EIF3M: variants seen among roughly 807,000 people sequenced by gnomAD.
EIF3M encodes eukaryotic translation initiation factor 3 subunit M.
EIF3M carries 25 observed loss-of-function variants against 49.7 expected under a neutral mutation model. The ratio of observed to expected loss-of-function variants is 0.50; its 90% CI spans 0.37 to 0.70. EIF3M has a LOEUF of 0.70. Among genes scored for constraint, EIF3M ranks in the 30% least tolerant of loss-of-function variants. EIF3M has a pLI of 0.00. For synonymous variants in EIF3M, 156 were observed against 149.8 expected (o/e 1.04, Z -0.30); for missense variants, 350 against 440.0 (o/e 0.80, Z 1.83).
At position 32,594,978 on chromosome 11, in the gene EIF3M, C is replaced by G; in HGVS notation, c.682C>G (p.Pro228Ala). 2 of 1,613,574 alleles carry G rather than the reference C, an allele frequency of 1.2e-6. No homozygotes were observed. The highest frequency in any genetic ancestry group is 1.7e-6 in the Non-Finnish European group (2 of 1,179,770). Residue 228 changes from proline to alanine, a missense_variant, in exon 7 of 11, where the codon CCA (proline) becomes GCA (alanine). Pro to Ala is a conservative substitution (Grantham distance 27). Coordinates refer to ENST00000531120, the MANE Select transcript of EIF3M (RefSeq NM_006360.6). Reference protein sequence around the residue: ...FLFDHLLTLKPVKFLEGELIH... With the variant: ...FLFDHLLTLKAVKFLEGELIH... ...TTTTGACCACCTTCTTACTTTAAAA[C>G]CAGTCAAGTTTTTGGAAGGCGAGCT...
chr11:32,588,790 C>T (rs1855045937), intron 3 of EIF3M, 58 bp downstream of exon 3: 1 of 1,607,746 alleles, frequency 6.2e-7, no homozygotes, highest in African/African-American at 1.4e-5. Context: ...ATGTTACTAA[C>T]TTTTAATGGT....
intron 4 of EIF3M, 65 bp downstream of exon 4, chr11:32,589,200 G>T: frequency 6.3e-7 from 1 of 1,576,872 alleles, no homozygotes; most frequent in Non-Finnish European, 8.6e-7. Flanking sequence ...TTTTGAGACG[G>T]AGTTTCACTG....
intron 1 of EIF3M, among the ~76,000 whole-genome samples, chr11:32,585,994 C>T (rs1156879017): frequency 6.6e-6 from 1 of 152,154 alleles, no homozygotes; most frequent in Non-Finnish European, 1.5e-5. Flanking sequence ...CTTTGGGAGG[C>T]CGAGGCCCGT....
chr11:32,600,880 C>T, intron 9 of EIF3M, 48 bp downstream of exon 9: 1 of 1,543,988 alleles, frequency 6.5e-7, no homozygotes, highest in East Asian at 2.3e-5. Flanking sequence ...TTCTCATCTA[C>T]TACATGGATC....
chr11:32,597,225 TTAAAA>T (rs1164122080), intron 8 of EIF3M, among the ~76,000 whole-genome samples: 4 of 152,266 alleles, frequency 2.6e-5, no homozygotes, highest in African/African-American at 7.2e-5. Context: ...AACATTATTC[TTAAAA>T]TAATATTGTT....
At position 32,602,791 on chromosome 11, in the gene EIF3M, A is replaced by G; in HGVS notation, c.*392A>G. ...AGAATTTCAGTTACATAATTTCACT[A>G]CTGAAAGCACTTATCTACATTATTT... On this transcript the variant is annotated 3_prime_UTR_variant, in exon 11 of 11. Coordinates refer to ENST00000531120, the MANE Select transcript of EIF3M (RefSeq NM_006360.6). 1 of 1,471,862 alleles carries G rather than the reference A, an allele frequency of 6.8e-7. No individual in the cohort carries two copies. Among genetic ancestry groups the G allele is most frequent in the Non-Finnish European group, 9.2e-7 (1 of 1,083,846 alleles). 91.2% of individuals were successfully genotyped at this position (1,471,862 alleles called of 1,614,324 possible).
rs1295441755 is a variant in EIF3M at position 32,602,452 on chromosome 11, A to AAAAC, written c.*55_*58dup. 1 of 1,573,612 alleles carries AAAAC rather than the reference A, an allele frequency of 6.4e-7. No homozygotes were observed. Among genetic ancestry groups the AAAAC allele is most frequent in the Non-Finnish European group, 8.6e-7 (1 of 1,161,458 alleles). On this transcript the variant is annotated 3_prime_UTR_variant, in exon 11 of 11. Coordinates refer to ENST00000531120, the MANE Select transcript of EIF3M (RefSeq NM_006360.6). ...TGAAAAAAAAGCCCTAAATCATAGTAAAACATTATAAACTAAAAAAATTTG... is the reference window on the plus strand; with the variant it reads ...TGAAAAAAAAGCCCTAAATCATAGTAAAACAAACATTATAAACTAAAAAAATTTG...
chr11:32,588,480 A>G, intron 2 of EIF3M, 114 bp from the exon 3 acceptor site: 1 of 1,238,506 alleles, frequency 8.1e-7, no homozygotes, highest in Non-Finnish European at 1.1e-6. Flanking sequence ...CTGAATGCGA[A>G]AGTGTCTTAC....
At chr11:32,595,349 C>T (rs891397502) in intron 7 of EIF3M, among the ~76,000 whole-genome samples, 2 of 152,142 alleles carry the variant, frequency 1.3e-5, no homozygotes, top group Non-Finnish European at 2.9e-5. Flanking sequence ...CCTCAGCTTC[C>T]AGGAGAAGTA....
At position 32,589,020 on chromosome 11, in the gene EIF3M, AC is replaced by A; in HGVS notation, c.325del (p.Leu109PhefsTer11). 6.2e-7 allele frequency: 1 copy of A among 1,613,802 alleles called. No homozygotes were observed. Among genetic ancestry groups the A allele is most frequent in the Non-Finnish European group, 8.5e-7 (1 of 1,179,896 alleles). On this transcript the variant is annotated frameshift_variant, in exon 4 of 11. Coordinates refer to ENST00000531120, the MANE Select transcript of EIF3M (RefSeq NM_006360.6). LOFTEE classifies it high-confidence loss of function. The stretch of plus-strand genomic sequence containing the variant: ...GTTTGTTAACCAACCAGGTTAAGCA[AC>A]CTTTTCCACGGGATGGATAAGAATA... ...RPSLRLQLLS[N>X]LFHGMDKNTP...
rs1241457382 is a variant in EIF3M at position 32,588,643 on chromosome 11, A to G, written c.225A>G (p.Glu75=). The change falls in exon 3 of 11, where the codon GAA becomes GAG. Residue 75 remains glutamate (E), a synonymous_variant. Coordinates refer to ENST00000531120, the MANE Select transcript of EIF3M (RefSeq NM_006360.6). ...NSVVSLLLIL[E]PDKQEALIES... Reference sequence around the variant, plus strand: ...TGGTATCCCTACTCTTGATCCTGGAACCAGACAAGCAAGAAGCTTTGATTG... The same window carrying G: ...TGGTATCCCTACTCTTGATCCTGGAGCCAGACAAGCAAGAAGCTTTGATTG... 24 of 1,614,210 alleles carry G rather than the reference A, an allele frequency of 1.5e-5. No homozygotes were observed. Among genetic ancestry groups the G allele is most frequent in the Non-Finnish European group, 1.9e-5 (22 of 1,180,040 alleles).
intron 4 of EIF3M, 135 bp downstream of exon 4, chr11:32,589,270 G>A (rs532471144): frequency 1.5e-6 from 2 of 1,349,224 alleles, no homozygotes; most frequent in African/African-American, 1.5e-5. Context: ...TCCGCCTCCA[G>A]GGTTCAAGCA....
intron 5 of EIF3M, 95 bp downstream of exon 5, chr11:32,589,736 T>C (rs376921814): frequency 1.7e-5 from 17 of 1,005,774 alleles, no homozygotes; most frequent in African/African-American, 8.2e-5. Flanking sequence ...AATTTTGCTT[T>C]ACTCTGTTCT....
chr11:32,584,101 C>T (rs1361424735), intron 1 of EIF3M, 172 bp downstream of exon 1: 8 of 818,720 alleles, frequency 9.8e-6, no homozygotes, highest in African/African-American at 5.3e-5. Flanking sequence ...CGATTCGCAC[C>T]AGCTCGCCGG....
Position 32,594,909 on chromosome 11 carries a change from T to C in EIF3M, c.618-5T>C. 6.2e-7 allele frequency: 1 copy of C among 1,605,278 alleles called. No homozygotes were observed. Among genetic ancestry groups the C allele is most frequent in the Non-Finnish European group, 8.5e-7 (1 of 1,177,250 alleles). ...CTGAGCTTACATTTTTGTTCTCTAA[T>C]TAAGGTGTATTGTACGAGCATTGAA... On this transcript the variant is annotated splice_region_variant and splice_polypyrimidine_tract_variant and intron_variant, in intron 6 of 10. Coordinates refer to ENST00000531120, the MANE Select transcript of EIF3M (RefSeq NM_006360.6).
At chr11:32,597,267 A>G (rs17249466) in intron 8 of EIF3M, among the ~76,000 whole-genome samples, 16,984 of 152,186 alleles carry the variant, frequency 0.11, 1,124 homozygotes, top group Non-Finnish European at 0.15. Flanking sequence ...TATTCCTTAG[A>G]TATATGGTGA....
chr11:32,596,048 G>GT lies in EIF3M; in HGVS notation c.799+2dup. ...AATAAAGACTTCATTGATTCACTTG[G>GT]TAAGTTTTGGGGTTTATTCTTTGAG... On this transcript the variant is annotated splice_donor_variant, in intron 8 of 10. Coordinates refer to ENST00000531120, the MANE Select transcript of EIF3M (RefSeq NM_006360.6). LOFTEE classifies it high-confidence loss of function. 1.9e-6 allele frequency: 3 copies of GT among 1,549,946 alleles called. No individual in the cohort carries two copies. Among genetic ancestry groups the GT allele is most frequent in the Non-Finnish European group, 2.6e-6 (3 of 1,157,850 alleles).
rs183313531 is a variant in EIF3M at position 32,588,256 on chromosome 11, G to T, written c.176-338G>T. Among the ~76,000 whole-genome samples the T allele has an allele frequency of 4.8e-3, 732 of 152,014 alleles. 5 individuals are homozygous for T. The highest frequency in any genetic ancestry group is 0.017 in the African/African-American group (708 of 41,466). Reference sequence around the variant, plus strand: ...ATACAAAAATTAGCCGGGCGTGGTGGCGGGTGCCTGTAGTCCCAGCTACTT... The same window carrying T: ...ATACAAAAATTAGCCGGGCGTGGTGTCGGGTGCCTGTAGTCCCAGCTACTT... On this transcript the variant is annotated intron_variant, in intron 2 of 10. Coordinates refer to ENST00000531120, the MANE Select transcript of EIF3M (RefSeq NM_006360.6).
intron 8 of EIF3M, among the ~76,000 whole-genome samples, chr11:32,600,382 A>G (rs992603555): frequency 5.3e-5 from 8 of 151,958 alleles, no homozygotes; most frequent in Non-Finnish European, 1.2e-4. Flanking sequence ...CCTAAAATGT[A>G]TAACTATTTA....
Sources: allele counts gnomAD v4.1 joint callset (sites outside exome capture counted in the v4.1 genomes callset), GRCh38; gene constraint gnomAD v4.1.1; transcripts MANE v1.5; gene names NCBI Gene and HGNC (gene_info 2026-07-23, HGNC 2026-07-21).